SMG1: variants seen among roughly 807,000 people sequenced by gnomAD.
SMG1 encodes serine/threonine-protein kinase SMG1.
SMG1 carries 22 observed loss-of-function variants against 419.9 expected under a neutral mutation model. The ratio of observed to expected loss-of-function variants is 0.05; its 90% CI spans 0.04 to 0.07. SMG1 has a LOEUF of 0.07. Ranked by LOEUF, SMG1 falls within the 10% of genes least tolerant of loss-of-function variation. The probability of loss-of-function intolerance (pLI) is 1.00; values close to 1 mark genes in which losing one functional copy is unlikely to be tolerated. For synonymous variants in SMG1, 1,538 were observed against 1,553.5 expected, an observed-to-expected ratio of 0.99 and a Z score of 0.23; for missense variants, 3,185 against 4,342.0, an observed-to-expected ratio of 0.73 and a Z score of 7.49.
chr16:18,812,063 C>G lies in SMG1; in HGVS notation c.10686G>C (p.Leu3562=). 1 of 1,613,938 alleles carries G rather than the reference C, an allele frequency of 6.2e-7. No individual in the cohort carries two copies. The highest frequency in any genetic ancestry group is 8.5e-7 in the Non-Finnish European group (1 of 1,179,866). ...PDVMSQNARK[L]IQKNLATSAD... is the part of the protein sequence containing the mutation. ...CTGATGTAGCAAGATTTTTTTGGAT[C>G]AGCTTTCTAGCATTCTGTGACATGA... is the stretch of plus-strand genomic sequence containing the variant. Residue 3562 remains leucine, a synonymous_variant, in exon 61 of 63, where the codon CTG becomes CTC. Coordinates refer to ENST00000446231, the MANE Select transcript of SMG1 (RefSeq NM_015092.5).
rs916796968 is a variant in SMG1, at chr16:18,908,114, C to T, written c.93-11158G>A. ...GGCGCAGTTGATCACTCCTGTAATC[C>T]CAGCTGTTTGGGAGCCTGAGGCAGG... On this transcript the variant is annotated intron_variant, in intron 1 of 62. Transcript: ENST00000446231. 2.0e-5 allele frequency among the ~76,000 whole-genome samples: 3 copies of T among 151,898 alleles called. No individual in the cohort carries two copies. The East Asian group carries it at 5.8e-4, about 29-fold the overall frequency.
chr16:18,891,581 T>C (rs907711585), intron 4 of SMG1, among the ~76,000 whole-genome samples: 1 of 152,118 alleles, frequency 6.6e-6, no homozygotes, highest in African/African-American at 2.4e-5. Flanking sequence ...ATTACGGGCA[T>C]GTGCCACCAC....
At chr16:18,831,475 G>A (rs1180905055) in intron 51 of SMG1, among the ~76,000 whole-genome samples, 2 of 152,040 alleles carry the variant, frequency 1.3e-5, no homozygotes, top group Non-Finnish European at 2.9e-5. Flanking sequence ...GAGATAAAAT[G>A]AAGTCTGAAA....
At chr16:18,837,903 C>T in intron 45 of SMG1, 111 bp downstream of exon 45, 2 of 1,090,982 alleles carry the variant, frequency 1.8e-6, no homozygotes, top group Non-Finnish European at 2.7e-6. Flanking sequence ...CAATATTATA[C>T]ATTAGTTTTG....
At chr16:18,836,616 ATG>A in intron 46 of SMG1, 84 bp from the exon 47 acceptor site, 2 of 1,429,230 alleles carry the variant, frequency 1.4e-6, no homozygotes, top group Non-Finnish European at 1.9e-6. Context: ...GTGCTCACAC[ATG>A]GACTGTCTGG....
chr16:18,891,141 A>G (rs1025201867), intron 4 of SMG1, among the ~76,000 whole-genome samples: 4 of 152,212 alleles, frequency 2.6e-5, no homozygotes, highest in Non-Finnish European at 5.9e-5. Context: ...GTGATCATCA[A>G]CAAAAAAATA....
chr16:18,888,641 T>C (rs563052145), intron 6 of SMG1, among the ~76,000 whole-genome samples: 2 of 151,804 alleles, frequency 1.3e-5, no homozygotes, highest in Admixed American at 1.3e-4. Flanking sequence ...CTAATTTTTG[T>C]ATTGTTAGTA....
chr16:18,886,309 A>G (rs2036609207), intron 6 of SMG1, among the ~76,000 whole-genome samples: 1 of 152,230 alleles, frequency 6.6e-6, no homozygotes, highest in African/African-American at 2.4e-5. Flanking sequence ...GGGACCACAC[A>G]TAAATAACAT....
rs781002713 is a variant in SMG1 at position 18,836,390 on chromosome 16, G to C, written c.7747C>G (p.Leu2583Val). Reference sequence around the variant, plus strand: ...TCCATTTGTGTGCTTATCTCTTGAAGCAAGCTTGCAAGCTGTGTTGCTTCT... The same window carrying C: ...TCCATTTGTGTGCTTATCTCTTGAACCAAGCTTGCAAGCTGTGTTGCTTCT... ...NLEATQLASL[L>V]QEISTQMDLG... The change falls in exon 47 of 63, where the codon CTT becomes GTT. Residue 2583 changes from leucine to valine, a missense_variant. Coordinates refer to ENST00000446231, the MANE Select transcript of SMG1 (RefSeq NM_015092.5). 6.2e-7 allele frequency: 1 copy of C among 1,613,932 alleles called. No individual in the cohort carries two copies. Among genetic ancestry groups the C allele is most frequent in the South Asian group, 1.1e-5 (1 of 91,070 alleles).
At chr16:18,901,288 AC>A (rs1408045594) in intron 1 of SMG1, among the ~76,000 whole-genome samples, 60 of 152,242 alleles carry the variant, frequency 3.9e-4, no homozygotes, top group African/African-American at 1.4e-3. Context: ...CACTGGCATG[AC>A]CATAGCTCAC....
chr16:18,864,631 G>C (rs1160431553), intron 23 of SMG1, among the ~76,000 whole-genome samples: 3 of 152,140 alleles, frequency 2.0e-5, no homozygotes, highest in African/African-American at 7.2e-5. Context: ...AAGTAGCTGG[G>C]ACTATAGGCG....
At chr16:18,873,408 GAT>G (rs1384437480) in intron 13 of SMG1, among the ~76,000 whole-genome samples, 4 of 151,992 alleles carry the variant, frequency 2.6e-5, no homozygotes, top group Non-Finnish European at 5.9e-5. Flanking sequence ...TTTTAGTAGA[GAT>G]AGAGTTTCAC....
intron 29 of SMG1, 100 bp from the exon 30 acceptor site, chr16:18,855,004 C>A: frequency 8.7e-6 from 8 of 916,098 alleles, no homozygotes; most frequent in Non-Finnish European, 1.2e-5. Flanking sequence ...CTCTTCTGCA[C>A]CACCTCCTGA....
In SMG1 at chr16:18,863,896, T is replaced by C. The variant is rs762420234; in HGVS notation, c.3494-45A>G. On this transcript the variant is annotated intron_variant, in intron 24 of 62. Transcript: ENST00000446231. ...TAAGAAGAGAGAGATTCAGATCAGT[T>C]AGAAATATTTCAAAGAGCACAGAAA... The C allele has an allele frequency of 3.8e-6, 6 of 1,592,702 alleles. No individual in the cohort carries two copies. In the East Asian group the frequency reaches 6.7e-5, roughly 18 times the overall value.
rs114819451 is a variant in SMG1, at chr16:18,839,657, G to C, written c.6945+41C>G. The C allele has an allele frequency of 2.4e-3, 3,822 of 1,603,504 alleles. 99 individuals are homozygous for C. The African/African-American group carries it at 0.046, about 19-fold the overall frequency. On this transcript the variant is annotated intron_variant, in intron 42 of 62. Coordinates refer to ENST00000446231, the MANE Select transcript of SMG1 (RefSeq NM_015092.5). ...ATAGGCAAGAAGGTAGCAGGCAAAAGAAATACTACTACTGAGTATAGTCTA... is the reference window on the plus strand; with the variant it reads ...ATAGGCAAGAAGGTAGCAGGCAAAACAAATACTACTACTGAGTATAGTCTA...
intron 1 of SMG1, among the ~76,000 whole-genome samples, chr16:18,912,081 C>CAAA (rs10593620): frequency 9.6e-6 from 1 of 104,334 alleles, no homozygotes; most frequent in Non-Finnish European, 2.0e-5. Context: ...GATGCCATCT[C>CAAA]AAAAAAAAAA....
At chr16:18,870,229 A>T (rs143347363) in intron 18 of SMG1, among the ~76,000 whole-genome samples, 10 of 152,342 alleles carry the variant, frequency 6.6e-5, no homozygotes, top group Non-Finnish European at 1.5e-4. Flanking sequence ...AACATGTGAA[A>T]ATAAAAACCC....
Position 18,836,215 on chromosome 16 carries a change from T to A in SMG1, c.7778-3A>T. 6.2e-7 allele frequency: 1 copy of A among 1,610,960 alleles called. No homozygotes were observed. The highest frequency in any genetic ancestry group is 8.5e-7 in the Non-Finnish European group (1 of 1,178,090). On this transcript the variant is annotated splice_polypyrimidine_tract_variant and splice_region_variant and intron_variant, in intron 47 of 62. Transcript: ENST00000446231. ...TGCTGGCACGTAACTTGGAGGACCTTTTGGTAAAAGACATTATTAAACACA... is the reference window on the plus strand; with the variant it reads ...TGCTGGCACGTAACTTGGAGGACCTATTGGTAAAAGACATTATTAAACACA...
chr16:18,918,891 G>A (rs2038080175), intron 1 of SMG1, among the ~76,000 whole-genome samples: 1 of 151,580 alleles, frequency 6.6e-6, no homozygotes, highest in Admixed American at 6.6e-5. Flanking sequence ...GAGCAAGACT[G>A]TCTCAAAAAA....
Sources: gnomAD v4.1 joint callset for allele counts (sites outside exome capture counted in the v4.1 genomes callset) on GRCh38, gnomAD v4.1.1 for gene constraint, MANE v1.5 for transcripts, NCBI Gene and HGNC (gene_info 2026-07-23, HGNC 2026-07-21) for gene names.